Variants in NTM observed in about 807,000 individuals in gnomAD.
NTM encodes neurotrimin.
In NTM, 13 loss-of-function variants were observed where a neutral mutation model predicts 42.1. That is an observed-to-expected ratio of 0.31 (90% CI 0.20 to 0.49). The LOEUF (loss-of-function observed/expected upper bound fraction) is 0.49. NTM is among the 20% of genes least tolerant of loss of function. The pLI is 0.99. For synonymous variants in NTM, 187 were observed against 179.2 expected (o/e 1.04, Z -0.35); for missense variants, 373 against 452.8 (o/e 0.82, Z 1.60).
intron 3 of NTM, among the ~76,000 whole-genome samples, chr11:132,159,893 A>G (rs1474721954): frequency 1.3e-5 from 2 of 152,220 alleles, no homozygotes; most frequent in East Asian, 3.9e-4. Context: ...AATGAGGTTC[A>G]TGCTGATTAG....
intron 1 of NTM, among the ~76,000 whole-genome samples, chr11:131,648,504 G>T (rs2066051404): frequency 6.6e-6 from 1 of 152,052 alleles, no homozygotes; most frequent in Non-Finnish European, 1.5e-5. Context: ...AACCTCACCA[G>T]CATTTATTTT....
At chr11:131,725,569 G>A (rs955500280) in intron 1 of NTM, among the ~76,000 whole-genome samples, 1 of 152,110 alleles carries the variant, frequency 6.6e-6, no homozygotes, top group South Asian at 2.1e-4. Flanking sequence ...AAGGTGTTGA[G>A]TTAGAAGGAA....
chr11:132,272,555 A>G (rs2093531196), intron 4 of NTM, among the ~76,000 whole-genome samples: 1 of 152,142 alleles, frequency 6.6e-6, no homozygotes, highest in Non-Finnish European at 1.5e-5. Context: ...GACATTCAAT[A>G]ATATTTTGTA....
At chr11:131,567,193 C>T (rs2056978127) in intron 1 of NTM, among the ~76,000 whole-genome samples, 1 of 151,830 alleles carries the variant, frequency 6.6e-6, no homozygotes, top group Non-Finnish European at 1.5e-5. Context: ...GGTGGGAAAC[C>T]TAAAAAAACC....
chr11:131,911,408 C>A, intron 1 of NTM, 156 bp from the exon 2 acceptor site: 1 of 1,602,300 alleles, frequency 6.2e-7, no homozygotes, highest in Non-Finnish European at 8.5e-7. Context: ...CCGCACCCCA[C>A]CCACTTCCTG....
chr11:131,993,314 G>A (rs1422388119), intron 2 of NTM, among the ~76,000 whole-genome samples: 1 of 152,132 alleles, frequency 6.6e-6, no homozygotes, highest in Admixed American at 6.6e-5. Context: ...CTATCGGGAA[G>A]GTGGAGTAGG....
At chr11:131,945,371 G>A (rs1288713577) in intron 2 of NTM, among the ~76,000 whole-genome samples, 1 of 152,128 alleles carries the variant, frequency 6.6e-6, no homozygotes, top group African/African-American at 2.4e-5. Flanking sequence ...ACAGCCTTGC[G>A]TCAACCTGGA....
intron 1 of NTM, among the ~76,000 whole-genome samples, chr11:131,785,409 T>A (rs55902955): frequency 1.4e-4 from 21 of 152,316 alleles, no homozygotes; most frequent in Middle Eastern, 3.4e-3. Flanking sequence ...AAAAGTGAGA[T>A]TCAATTCTTC....
chr11:131,955,362 C>T (rs1158435484), intron 2 of NTM, among the ~76,000 whole-genome samples: 2 of 152,150 alleles, frequency 1.3e-5, no homozygotes, highest in African/African-American at 4.8e-5. Context: ...GTCCCTATTA[C>T]CTAGACACAT....
intron 1 of NTM, among the ~76,000 whole-genome samples, chr11:131,426,272 G>T (rs1187394792): frequency 2.0e-5 from 3 of 152,124 alleles, no homozygotes; most frequent in Non-Finnish European, 4.4e-5. Context: ...ACATTTCTTT[G>T]TGGACCCCTT....
At chr11:131,939,922 T>C (rs1390117740) in intron 2 of NTM, among the ~76,000 whole-genome samples, 1 of 152,270 alleles carries the variant, frequency 6.6e-6, no homozygotes, top group South Asian at 2.1e-4. Context: ...GTGAGGATAA[T>C]AGAAAGTTTG....
At chr11:132,185,642 C>T (rs1566412823) in intron 3 of NTM, among the ~76,000 whole-genome samples, 1 of 152,076 alleles carries the variant, frequency 6.6e-6, no homozygotes, top group African/African-American at 2.4e-5. Flanking sequence ...ACGCAAATCT[C>T]TCCATTAATA....
chr11:131,906,170 T>C (rs966653379), intron 1 of NTM, among the ~76,000 whole-genome samples: 21 of 152,276 alleles, frequency 1.4e-4, no homozygotes, highest in African/African-American at 5.1e-4. Context: ...GTTGATTAAC[T>C]AATTTGAGTT....
intron 2 of NTM, among the ~76,000 whole-genome samples, chr11:132,107,339 C>CTTTTTTTTTTTT (rs780844735): frequency 2.3e-5 from 2 of 88,858 alleles, no homozygotes; most frequent in African/African-American, 1.0e-4. Flanking sequence ...AAGATTTATC[C>CTTTTTTTTTTTT]TTTTTTTTTT....
chr11:131,377,269 G>C (rs1942095868), intron 1 of NTM, among the ~76,000 whole-genome samples: 1 of 152,174 alleles, frequency 6.6e-6, no homozygotes, highest in South Asian at 2.1e-4. Flanking sequence ...GTGTATATAG[G>C]ATGGGGAATG....
chr11:132,330,142 A>ATTTC lies in NTM; in HGVS notation c.935-7_935-4dup. 6.4e-7 allele frequency: 1 copy of ATTTC among 1,551,576 alleles called. No homozygotes were observed. Among genetic ancestry groups the ATTTC allele is most frequent in the South Asian group, 1.2e-5 (1 of 84,024 alleles). On this transcript the variant is annotated splice_polypyrimidine_tract_variant and intron_variant, in intron 7 of 8. Transcript: ENST00000683400. ...CGACCTTAACAGTGGCTTGTTTTTA[A>ATTTC]TTTCTTTTAGAAGTGAAAACTACAG... is the stretch of plus-strand genomic sequence containing the variant.
chr11:131,635,192 G>A (rs549516924), intron 1 of NTM, among the ~76,000 whole-genome samples: 2 of 152,328 alleles, frequency 1.3e-5, no homozygotes, highest in African/African-American at 2.4e-5. Flanking sequence ...AGGTGAAAAT[G>A]AGACTTTTTA....
intron 2 of NTM, among the ~76,000 whole-genome samples, chr11:131,961,606 A>G (rs2134512603): frequency 6.6e-6 from 1 of 152,320 alleles, no homozygotes; most frequent in South Asian, 2.1e-4. Context: ...GGCCTAGCAC[A>G]TGACACAAGT....
intron 1 of NTM, among the ~76,000 whole-genome samples, chr11:131,630,240 G>A (rs1006719577): frequency 2.6e-5 from 4 of 152,050 alleles, no homozygotes; most frequent in African/African-American, 4.8e-5. Context: ...TCTCTGCCTT[G>A]GATCAGGAGA....
Sources: allele counts gnomAD v4.1 joint callset (sites outside exome capture counted in the v4.1 genomes callset), GRCh38; gene constraint gnomAD v4.1.1; transcripts MANE v1.5; gene names NCBI Gene and HGNC (gene_info 2026-07-23, HGNC 2026-07-21).